PTPRR: variants seen among roughly 807,000 people sequenced by gnomAD.
PTPRR encodes the protein receptor-type tyrosine-protein phosphatase R.
In PTPRR, 38 loss-of-function variants were observed where a neutral mutation model predicts 77.2. The observed-to-expected ratio is 0.49, with a 90% confidence interval of 0.38 to 0.65. The LOEUF (loss-of-function observed/expected upper bound fraction) is 0.65, where lower values mean the gene tolerates loss of function less well. PTPRR is among the 30% of genes least tolerant of loss of function. The pLI is 0.00. For synonymous variants in PTPRR, 299 were observed against 283.1 expected (o/e 1.06, Z -0.57); for missense variants, 744 against 799.2 (o/e 0.93, Z 0.83).
In PTPRR at chr12:70,880,613, C is replaced by T. The variant is rs533446938; in HGVS notation, c.357+12066G>A. On this transcript the variant is annotated intron_variant, in intron 2 of 13. Coordinates refer to ENST00000283228, the MANE Select transcript of PTPRR (RefSeq NM_002849.4). ...ATATAAACTACACAGCTGCAATGAT[C>T]TTGTTTATCTTGTTCCCTATTGTAT... Among the ~76,000 whole-genome samples the T allele has an allele frequency of 1.6e-3, 251 of 152,240 alleles. 2 individuals are homozygous for T. The highest frequency in any genetic ancestry group is 3.4e-3 in the Middle Eastern group (1 of 294).
chr12:70,838,700 C>A (rs1194363598), intron 2 of PTPRR, among the ~76,000 whole-genome samples: 1 of 152,066 alleles, frequency 6.6e-6, no homozygotes, highest in Non-Finnish European at 1.5e-5. Flanking sequence ...AGTGAAGCTA[C>A]CATGAGCAAA....
intron 3 of PTPRR, among the ~76,000 whole-genome samples, chr12:70,762,635 T>C (rs1204324567): frequency 6.6e-6 from 1 of 152,260 alleles, no homozygotes; most frequent in Non-Finnish European, 1.5e-5. Context: ...ACTTGTGTTG[T>C]GCCTAACATG....
At chr12:70,825,099 A>G (rs958466148) in intron 2 of PTPRR, among the ~76,000 whole-genome samples, 4 of 152,004 alleles carry the variant, frequency 2.6e-5, no homozygotes, top group Admixed American at 6.6e-5. Context: ...CCTGGCCAAT[A>G]TGGTGAAACC....
chr12:70,800,943 C>T lies in PTPRR; in HGVS notation c.358-36165G>A, dbSNP rs1184211053. Among the ~76,000 whole-genome samples the T allele has an allele frequency of 5.3e-5, 8 of 151,814 alleles. No individual in the cohort carries two copies. The East Asian group carries it at 1.6e-3, about 29-fold the overall frequency. On this transcript the variant is annotated intron_variant, in intron 2 of 13. Coordinates refer to ENST00000283228, the MANE Select transcript of PTPRR (RefSeq NM_002849.4). Reference sequence around the variant, plus strand: ...TAATGACTTTTCCTAAGGCCACATGCCTATTAAGTCATGCACCTTCTCCCC... The same window carrying T: ...TAATGACTTTTCCTAAGGCCACATGTCTATTAAGTCATGCACCTTCTCCCC...
intron 2 of PTPRR, among the ~76,000 whole-genome samples, chr12:70,890,695 T>G (rs1893320169): frequency 6.6e-6 from 1 of 152,118 alleles, no homozygotes; most frequent in African/African-American, 2.4e-5. Context: ...AAATAATTCT[T>G]AGTACCACTG....
chr12:70,658,883 GTTTTTTTTTTTTTTTTTT>G (rs746595856), intron 12 of PTPRR, among the ~76,000 whole-genome samples: 2 of 36,926 alleles, frequency 5.4e-5, no homozygotes, highest in Admixed American at 4.4e-4. Flanking sequence ...TTTTGCTCTA[GTTTTTTTTTTTTTTTTTT>G]TTTTTTTTTT....
intron 2 of PTPRR, among the ~76,000 whole-genome samples, chr12:70,794,090 G>A (rs1565699336): frequency 1.3e-5 from 2 of 152,158 alleles, no homozygotes; most frequent in Non-Finnish European, 2.9e-5. Flanking sequence ...GAAGATGGTA[G>A]CTAGTTAAGC....
chr12:70,891,163 T>A lies in PTPRR; in HGVS notation c.357+1516A>T, dbSNP rs538594946. 3.3e-5 allele frequency among the ~76,000 whole-genome samples: 5 copies of A among 152,204 alleles called. No homozygotes were observed. The South Asian group carries it at 1.0e-3, about 32-fold the overall frequency. On this transcript the variant is annotated intron_variant, in intron 2 of 13. Coordinates refer to ENST00000283228, the MANE Select transcript of PTPRR (RefSeq NM_002849.4). The stretch of plus-strand genomic sequence containing the variant: ...AGGAAAAGCACAGCTTCTTCATCAA[T>A]CTCCAAACCACAAATAAGCTGAAAG...
intron 1 of PTPRR, among the ~76,000 whole-genome samples, chr12:70,913,024 C>T (rs1333243364): frequency 6.6e-6 from 1 of 152,046 alleles, no homozygotes; most frequent in African/African-American, 2.4e-5. Context: ...GAATTTGACT[C>T]ACAGAACAAC....
rs111649229 is a variant in PTPRR at position 70,737,415 on chromosome 12, C to G, written c.1007+8403G>C. ...TCACCAAAGACCTAAGAGAAAGATTCTGGGCCCCATTTTTATTTGACAGAA... is the reference window on the plus strand; with the variant it reads ...TCACCAAAGACCTAAGAGAAAGATTGTGGGCCCCATTTTTATTTGACAGAA... On this transcript the variant is annotated intron_variant, in intron 6 of 13. Transcript: ENST00000283228. Among the ~76,000 whole-genome samples the G allele has an allele frequency of 8.9e-3, 1,349 of 152,194 alleles. 15 individuals are homozygous for G. The highest frequency in any genetic ancestry group is 0.016 in the Non-Finnish European group (1,078 of 68,014).
chr12:70,808,799 C>T lies in PTPRR; in HGVS notation c.358-44021G>A, dbSNP rs142550874. Among the ~76,000 whole-genome samples the T allele has an allele frequency of 1.0e-3, 159 of 152,290 alleles. 1 individual carries two copies. Among genetic ancestry groups the T allele is most frequent in the African/African-American group, 3.7e-3 (153 of 41,546 alleles). On this transcript the variant is annotated intron_variant, in intron 2 of 13. Transcript: ENST00000283228. Reference sequence around the variant, plus strand: ...CAGACATGCCGTGCCATTTTTACCCCTATTGCCTTTCCATTGTTTATTCTG... The same window carrying T: ...CAGACATGCCGTGCCATTTTTACCCTTATTGCCTTTCCATTGTTTATTCTG...
intron 6 of PTPRR, among the ~76,000 whole-genome samples, chr12:70,728,183 GAAGTGTTTC>G: frequency 6.9e-6 from 1 of 145,114 alleles, no homozygotes; most frequent in South Asian, 2.2e-4. Context: ...CTTGGGACCA[GAAGTGTTTC>G]AGATTTTGGA....
At chr12:70,875,908 A>G (rs1279885056) in intron 2 of PTPRR, among the ~76,000 whole-genome samples, 1 of 152,128 alleles carries the variant, frequency 6.6e-6, no homozygotes, top group African/African-American at 2.4e-5. Flanking sequence ...ATACACATGA[A>G]AGATGTTGTC....
chr12:70,872,309 T>C (rs970274323), intron 2 of PTPRR, among the ~76,000 whole-genome samples: 1 of 152,234 alleles, frequency 6.6e-6, no homozygotes, highest in Middle Eastern at 3.4e-3. Flanking sequence ...GAAATGGTCT[T>C]CCTGAGTTTG....
chr12:70,672,532 C>T (rs907853255), intron 10 of PTPRR: 2 of 1,298,428 alleles, frequency 1.5e-6, no homozygotes, highest in Non-Finnish European at 2.2e-6. Context: ...GAAACAGTGG[C>T]TGCTGGGAAA....
At chr12:70,744,162 C>G (rs541118728) in intron 6 of PTPRR, among the ~76,000 whole-genome samples, 4 of 152,024 alleles carry the variant, frequency 2.6e-5, no homozygotes, top group African/African-American at 9.7e-5. Context: ...GCTAAAAAAT[C>G]AAGTTAAACC....
In PTPRR at chr12:70,804,139, C is replaced by CTGTCTGTGTGTGTG. The variant is rs750599108; in HGVS notation, c.358-39362_358-39361insCACACACACAGACA. On this transcript the variant is annotated intron_variant, in intron 2 of 13. Transcript: ENST00000283228. ...TGTCTTGTTTCACCTGTTCCTGGCT[C>CTGTCTGTGTGTGTG]TGTGTGTGTGTGTGTGTGTGTGTGT... Among the ~76,000 whole-genome samples, 93 of 137,334 alleles carry CTGTCTGTGTGTGTG rather than the reference C, an allele frequency of 6.8e-4. 1 individual carries two copies. Among genetic ancestry groups the CTGTCTGTGTGTGTG allele is most frequent in the African/African-American group, 2.3e-3 (88 of 37,624 alleles). The allele number at this position is 137,334 out of a possible 152,430, so 90.1% of individuals were successfully genotyped here. A position where few individuals can be genotyped will look rare whatever the true frequency, so the allele number is the denominator to read the frequency against.
Position 70,913,246 on chromosome 12 carries a change from GAC to G in PTPRR, c.58+7085_58+7086del, listed in dbSNP as rs1893726055. ...TCCAAAAACTTTATGGTTCTATAAA[GAC>G]TGTATACACACAAAATGAGAGAAAA... On this transcript the variant is annotated intron_variant, in intron 1 of 13. Transcript: ENST00000283228. Among the ~76,000 whole-genome samples, 3 of 152,170 alleles carry G rather than the reference GAC, an allele frequency of 2.0e-5. No homozygotes were observed. In the South Asian group the frequency reaches 6.2e-4, roughly 32 times the overall value.
Position 70,920,511 on chromosome 12 carries a change from GTT to G in PTPRR, c.-123_-122del, listed in dbSNP as rs914433791. ...TCCGGGATTCAGGTCCTCGGCTGGG[GTT>G]TGCAGAGCAGTCAGTCTGTGGCGCC... On this transcript the variant is annotated 5_prime_UTR_variant, in exon 1 of 14. Coordinates refer to ENST00000283228, the MANE Select transcript of PTPRR (RefSeq NM_002849.4). 1.1e-6 allele frequency: 1 copy of G among 920,570 alleles called. No homozygotes were observed. Among genetic ancestry groups the G allele is most frequent in the African/African-American group, 1.6e-5 (1 of 60,658 alleles). 57.0% of individuals were successfully genotyped at this position (920,570 alleles called of 1,614,324 possible).
Sources: gnomAD v4.1 joint callset for allele counts (sites outside exome capture counted in the v4.1 genomes callset) on GRCh38, gnomAD v4.1.1 for gene constraint, MANE v1.5 for transcripts, NCBI Gene and HGNC (gene_info 2026-07-23, HGNC 2026-07-21) for gene names.